SORCS2: variants seen among roughly 807,000 people sequenced by gnomAD.
SORCS2 encodes the protein VPS10 domain-containing receptor SorCS2.
SORCS2 carries 100 observed loss-of-function variants against 141.6 expected under a neutral mutation model. The observed-to-expected ratio is 0.71, with a 90% CI of 0.60 to 0.83. The LOEUF is 0.83. Ranked by LOEUF, SORCS2 falls within the 40% of genes least tolerant of loss-of-function variation. The pLI is 0.00. For synonymous variants in SORCS2, 789 were observed against 676.9 expected, an observed-to-expected ratio of 1.17 and a Z score of -2.57; for missense variants, 1,646 against 1,560.2, an observed-to-expected ratio of 1.05 and a Z score of -0.93.
chr4:7,437,836 C>G (rs766954795), intron 2 of SORCS2, among the ~76,000 whole-genome samples: 1 of 152,182 alleles, frequency 6.6e-6, no homozygotes, highest in South Asian at 2.1e-4. Flanking sequence ...TTTCGAGGTT[C>G]TCACTGCCCC....
At chr4:7,666,775 G>A (rs936536482) in intron 7 of SORCS2, among the ~76,000 whole-genome samples, 8 of 152,122 alleles carry the variant, frequency 5.3e-5, no homozygotes, top group African/African-American at 1.9e-4. Flanking sequence ...ATGCCTCGAG[G>A]TTCAGTGATC....
At position 7,738,351 on chromosome 4, in the gene SORCS2, C is replaced by T. The variant is rs1290369444; in HGVS notation, c.3415+1179C>T. 2.0e-5 allele frequency among the ~76,000 whole-genome samples: 3 copies of T among 152,220 alleles called. No homozygotes were observed. The East Asian group carries it at 5.8e-4, about 29-fold the overall frequency. The stretch of plus-strand genomic sequence containing the variant: ...TGTCTCAGCTCAGCAGCCGAGGAGG[C>T]AGGCTCTTCCCTAGAGCTGAGGACA... On this transcript the variant is annotated intron_variant, in intron 26 of 26. Coordinates refer to ENST00000507866, the MANE Select transcript of SORCS2 (RefSeq NM_020777.3).
chr4:7,485,456 C>A (rs1295975104), intron 2 of SORCS2, among the ~76,000 whole-genome samples: 2 of 152,248 alleles, frequency 1.3e-5, no homozygotes, highest in Admixed American at 1.3e-4. Flanking sequence ...TGGGCCCCAC[C>A]CCTCACCTGG....
chr4:7,605,031 G>A (rs572696913), intron 3 of SORCS2, among the ~76,000 whole-genome samples: 13 of 152,326 alleles, frequency 8.5e-5, no homozygotes, highest in African/African-American at 2.9e-4. Context: ...ACTTAATCAG[G>A]ATAGAAGCGT....
chr4:7,391,912 G>A (rs748258358), intron 1 of SORCS2, among the ~76,000 whole-genome samples: 1 of 152,182 alleles, frequency 6.6e-6, no homozygotes, highest in Non-Finnish European at 1.5e-5. Flanking sequence ...CAGACACACA[G>A]TCCCTAACCA....
intron 2 of SORCS2, among the ~76,000 whole-genome samples, chr4:7,521,431 C>T (rs981401679): frequency 5.9e-5 from 9 of 152,166 alleles, no homozygotes; most frequent in Non-Finnish European, 1.3e-4. Context: ...GAATCTGGAG[C>T]GCCTTCTGGA....
In SORCS2 at chr4:7,654,207, G is replaced by A. The variant is rs1338634416; in HGVS notation, c.887G>A (p.Trp296Ter). 6.4e-7 allele frequency: 1 copy of A among 1,572,470 alleles called. No individual in the cohort carries two copies. Among genetic ancestry groups the A allele is most frequent in the Non-Finnish European group, 8.6e-7 (1 of 1,157,372 alleles). ...QERVTKDHVF[W>*]SVSGVDADPD... The stretch of plus-strand genomic sequence containing the variant: ...CGAGTGACCAAAGACCACGTGTTCT[G>A]GTGAGAGCACTTCCCCACCCCAAAC... Residue 296 changes from tryptophan to a stop codon, truncating the protein, a stop_gained and splice_region_variant, in exon 5 of 27, where the codon TGG (tryptophan) becomes TAG (stop). Coordinates refer to ENST00000507866, the MANE Select transcript of SORCS2 (RefSeq NM_020777.3). LOFTEE classifies it high-confidence loss of function.
At chr4:7,653,369 G>A (rs776148705) in intron 4 of SORCS2, among the ~76,000 whole-genome samples, 4 of 152,094 alleles carry the variant, frequency 2.6e-5, no homozygotes, top group Non-Finnish European at 5.9e-5. Flanking sequence ...TCAGCCTCCC[G>A]AGTAGCTGGG....
intron 26 of SORCS2, 165 bp downstream of exon 26, chr4:7,737,337 C>A: frequency 1.1e-6 from 1 of 905,254 alleles, no homozygotes; most frequent in Non-Finnish European, 1.6e-6. Context: ...GTGTCCCCTC[C>A]ATCTGATGAG....
At chr4:7,230,802 C>T (rs557193539) in intron 1 of SORCS2, among the ~76,000 whole-genome samples, 16 of 151,216 alleles carry the variant, frequency 1.1e-4, no homozygotes, top group African/African-American at 3.9e-4. Context: ...ATGGTAAAGT[C>T]TTCGAGTGTC....
rs1017120907 is a variant in SORCS2 at position 7,486,391 on chromosome 4, C to T, written c.549-45139C>T. On this transcript the variant is annotated intron_variant, in intron 2 of 26. Transcript: ENST00000507866. ...GGGGTCTTCCAGCCTCCACCACACA[C>T]GGGGCAGGATGCGGCCTCCACGACC... Among the ~76,000 whole-genome samples the T allele has an allele frequency of 1.7e-4, 8 of 47,880 alleles. 1 individual carries two copies. The highest frequency in any genetic ancestry group is 3.8e-4 in the Non-Finnish European group (8 of 20,922). The allele number at this position is 47,880 out of a possible 152,430, so 31.4% of individuals were successfully genotyped here. A position where few individuals can be genotyped will look rare whatever the true frequency, so the allele number is the denominator to read the frequency against.
chr4:7,459,991 G>C (rs1377398858), intron 2 of SORCS2: 1 of 154,840 alleles, frequency 6.5e-6, no homozygotes. Flanking sequence ...CACCCCTGCA[G>C]AGCCCAGTGG....
chr4:7,389,790 C>T (rs141361262), intron 1 of SORCS2, among the ~76,000 whole-genome samples: 14 of 152,228 alleles, frequency 9.2e-5, no homozygotes, highest in African/African-American at 1.9e-4. Flanking sequence ...GAGTCAAGGC[C>T]GGAGCTCATG....
intron 1 of SORCS2, among the ~76,000 whole-genome samples, chr4:7,214,399 T>C (rs1221589978): frequency 3.9e-5 from 6 of 152,174 alleles, no homozygotes. Flanking sequence ...CCTCCCACCA[T>C]AGGATCATCC....
intron 3 of SORCS2, among the ~76,000 whole-genome samples, chr4:7,586,416 A>G (rs923261684): frequency 1.3e-5 from 2 of 152,228 alleles, no homozygotes; most frequent in African/African-American, 2.4e-5. Flanking sequence ...TGCTGCACAG[A>G]TGAACCCATC....
chr4:7,248,293 G>A (rs2008121), intron 1 of SORCS2, among the ~76,000 whole-genome samples: 36,364 of 151,960 alleles, frequency 0.24, 4,917 homozygotes, highest in East Asian at 0.52. Flanking sequence ...CACACGCTAA[G>A]GTTCCAGGCC....
At chr4:7,239,712 A>G (rs1390339413) in intron 1 of SORCS2, among the ~76,000 whole-genome samples, 2 of 152,250 alleles carry the variant, frequency 1.3e-5, no homozygotes, top group East Asian at 3.8e-4. Context: ...TTGTAAAGCA[A>G]AAAGCAGGGG....
intron 3 of SORCS2, among the ~76,000 whole-genome samples, chr4:7,593,675 C>T (rs866960616): frequency 6.6e-6 from 1 of 152,140 alleles, no homozygotes; most frequent in Non-Finnish European, 1.5e-5. Context: ...GGGGGCGGCC[C>T]CAGGCGGGTA....
intron 11 of SORCS2, among the ~76,000 whole-genome samples, chr4:7,695,304 GTGA>G (rs1560489421): frequency 1.1e-4 from 4 of 36,126 alleles, no homozygotes; most frequent in East Asian, 1.4e-3. Context: ...GGATGGGTGA[GTGA>G]ATGGGTGGGT....
Sources: allele counts gnomAD v4.1 joint callset (sites outside exome capture counted in the v4.1 genomes callset), GRCh38; gene constraint gnomAD v4.1.1; transcripts MANE v1.5; gene names NCBI Gene and HGNC (gene_info 2026-07-23, HGNC 2026-07-21).